Variants in NEIL3 observed in about 807,000 individuals in gnomAD.
NEIL3 encodes endonuclease 8-like 3.
In NEIL3, 48 loss-of-function variants were observed where a neutral mutation model predicts 57.5. That is an observed-to-expected ratio of 0.83 (90% confidence interval 0.66 to 1.06). The LOEUF (loss-of-function observed/expected upper bound fraction) is 1.06. NEIL3 is among the 50% of genes least tolerant of loss of function. NEIL3 has a pLI of 0.00. For missense variants in NEIL3, 717 were observed against 739.1 expected (o/e 0.97, Z 0.35); for synonymous variants, 261 against 253.2 (o/e 1.03, Z -0.29).
At chr4:177,370,355 G>A in the NEIL3 span, among the ~76,000 whole-genome samples, 1 of 152,078 alleles carries the variant, frequency 6.6e-6, no homozygotes, top group East Asian at 1.9e-4. Context: ...CAAGTGCATG[G>A]AAACACTGAC....
chr4:177,358,296 T>C (rs1735523865), intron 8 of NEIL3, among the ~76,000 whole-genome samples: 3 of 151,928 alleles, frequency 2.0e-5, no homozygotes, highest in Admixed American at 6.6e-5. Context: ...GGCTATGTTT[T>C]TGTTGTTGTT....
chr4:177,309,918 C>T lies in NEIL3; in HGVS notation c.-36C>T, dbSNP rs1399185579. 6.3e-7 allele frequency: 1 copy of T among 1,598,190 alleles called. No individual in the cohort carries two copies. The highest frequency in any genetic ancestry group is 2.3e-5 in the East Asian group (1 of 43,480). On this transcript the variant is annotated 5_prime_UTR_variant, in exon 1 of 10. Transcript: ENST00000264596. Reference sequence around the variant, plus strand: ...GTTGCACAGCGGTATTCTCACCAGGCCCTGCAATCGGTGGGCCACAGTGCC... The same window carrying T: ...GTTGCACAGCGGTATTCTCACCAGGTCCTGCAATCGGTGGGCCACAGTGCC...
downstream of NEIL3, among the ~76,000 whole-genome samples, chr4:177,364,619 G>A (rs1308521960): frequency 1.3e-5 from 2 of 152,080 alleles, no homozygotes; most frequent in South Asian, 2.1e-4. Context: ...AACTGAACAC[G>A]GAGCAACCTA....
intron 1 of NEIL3, among the ~76,000 whole-genome samples, chr4:177,313,423 T>C (rs1049423432): frequency 6.6e-6 from 1 of 152,226 alleles, no homozygotes; most frequent in Non-Finnish European, 1.5e-5. Flanking sequence ...GGATGTACTA[T>C]ATTATTTTTC....
At chr4:177,368,119 T>C in the NEIL3 span, among the ~76,000 whole-genome samples, 2 of 152,160 alleles carry the variant, frequency 1.3e-5, no homozygotes, top group Non-Finnish European at 1.5e-5. Context: ...CTTTAATATG[T>C]ACAAATATCT....
At chr4:177,340,510 T>C (rs1330082496) in intron 5 of NEIL3, among the ~76,000 whole-genome samples, 1 of 152,216 alleles carries the variant, frequency 6.6e-6, no homozygotes, top group Non-Finnish European at 1.5e-5. Flanking sequence ...TTTTACTATG[T>C]TCAGAAAGTC....
chr4:177,326,630 T>C (rs1379188542), intron 2 of NEIL3, among the ~76,000 whole-genome samples: 5 of 152,302 alleles, frequency 3.3e-5, no homozygotes, highest in South Asian at 4.1e-4. Flanking sequence ...GTTGGATCTA[T>C]AGATCAATTA....
At chr4:177,338,514 A>G (rs1735021530) in intron 4 of NEIL3, among the ~76,000 whole-genome samples, 1 of 152,198 alleles carries the variant, frequency 6.6e-6, no homozygotes, top group Non-Finnish European at 1.5e-5. Context: ...GGACCTGCTC[A>G]GTTCAAACCT....
intron 6 of NEIL3, among the ~76,000 whole-genome samples, chr4:177,346,805 G>T (rs1318980064): frequency 6.6e-6 from 1 of 152,082 alleles, no homozygotes; most frequent in Non-Finnish European, 1.5e-5. Context: ...ATTGAGACCA[G>T]CCTGGCCAAT....
intron 6 of NEIL3, among the ~76,000 whole-genome samples, chr4:177,349,650 G>A (rs565215216): frequency 6.6e-6 from 1 of 152,218 alleles, no homozygotes; most frequent in South Asian, 2.1e-4. Context: ...CTATGTCTTT[G>A]GGAGGCCATT....
At chr4:177,318,476 G>A (rs911344688) in intron 1 of NEIL3, among the ~76,000 whole-genome samples, 2 of 152,142 alleles carry the variant, frequency 1.3e-5, no homozygotes, top group Non-Finnish European at 2.9e-5. Flanking sequence ...TTTGATAATG[G>A]GGCAGTTGTC....
intron 6 of NEIL3, 22 bp from the exon 7 acceptor site, chr4:177,351,358 A>T (rs1319516196): frequency 1.3e-6 from 2 of 1,555,034 alleles, no homozygotes; most frequent in South Asian, 1.1e-5. Flanking sequence ...AACAATGATT[A>T]ATTTTAAAAA....
intron 5 of NEIL3, 51 bp from the exon 6 acceptor site, chr4:177,341,425 G>A: frequency 6.8e-7 from 1 of 1,476,598 alleles, no homozygotes; most frequent in Non-Finnish European, 9.0e-7. Flanking sequence ...TTGGCTCCTT[G>A]GCAGCACTGT....
intron 1 of NEIL3, among the ~76,000 whole-genome samples, chr4:177,311,631 G>A (rs1391006934): frequency 2.1e-5 from 3 of 143,566 alleles, no homozygotes; most frequent in Admixed American, 7.3e-5. Flanking sequence ...CTGAGGTCGC[G>A]TTATTGCACC....
chr4:177,329,580 A>G (rs1734843680), intron 2 of NEIL3, among the ~76,000 whole-genome samples: 1 of 152,254 alleles, frequency 6.6e-6, no homozygotes, highest in Non-Finnish European at 1.5e-5. Flanking sequence ...ATGTAAAGCA[A>G]GAACTGCTAG....
intron 4 of NEIL3, among the ~76,000 whole-genome samples, chr4:177,338,158 G>T (rs900193363): frequency 1.3e-5 from 2 of 152,172 alleles, no homozygotes; most frequent in African/African-American, 4.8e-5. Flanking sequence ...GATTTGGAAA[G>T]TAATAAATAT....
intron 8 of NEIL3, among the ~76,000 whole-genome samples, chr4:177,356,793 A>AATTTATTT (rs1457121411): frequency 2.5e-4 from 38 of 152,224 alleles, no homozygotes; most frequent in Non-Finnish European, 5.4e-4. Flanking sequence ...AAATTAGATG[A>AATTTATTT]TTGAACCCAT....
intron 6 of NEIL3, among the ~76,000 whole-genome samples, chr4:177,349,034 A>ATTTTTTTTTTTTTTTTTTTTTT: frequency 2.0e-5 from 2 of 100,458 alleles, no homozygotes; most frequent in Non-Finnish European, 3.8e-5. Context: ...CACCTGGCTA[A>ATTTTTTTTTTTTTTTTTTTTTT]TTTTTTTTTT....
chr4:177,321,091 A>G (rs1734677198), intron 1 of NEIL3, among the ~76,000 whole-genome samples: 1 of 152,194 alleles, frequency 6.6e-6, no homozygotes, highest in Admixed American at 6.5e-5. Context: ...AGAATGACAA[A>G]TGTCTGTAAA....
Sources: allele counts gnomAD v4.1 joint callset (sites outside exome capture counted in the v4.1 genomes callset), GRCh38; gene constraint gnomAD v4.1.1; transcripts MANE v1.5; gene names NCBI Gene and HGNC (gene_info 2026-07-23, HGNC 2026-07-21).